The following TMEM117 variants were observed in gnomAD, a reference collection of about 807,000 sequenced individuals.
TMEM117 encodes transmembrane protein 117.
Under a neutral mutation model 52.4 loss-of-function variants are expected in TMEM117, and 27 were observed. That is an observed-to-expected ratio of 0.51 (90% CI 0.38 to 0.71). TMEM117 has a LOEUF of 0.71. Ranked by LOEUF, TMEM117 falls within the 30% of genes least tolerant of loss-of-function variation. TMEM117 has a pLI of 0.00. For synonymous variants in TMEM117, 215 were observed against 206.3 expected, an observed-to-expected ratio of 1.04 and a Z score of -0.36; for missense variants, 556 against 630.5, an observed-to-expected ratio of 0.88 and a Z score of 1.26.
intron 3 of TMEM117, among the ~76,000 whole-genome samples, chr12:43,962,415 C>CTA (rs1467280934): frequency 6.6e-6 from 1 of 152,032 alleles, no homozygotes; most frequent in Non-Finnish European, 1.5e-5. Flanking sequence ...TAGTAAAGTT[C>CTA]TTTAGAATTG....
At chr12:43,801,796 G>A in the TMEM117 span, among the ~76,000 whole-genome samples, 3 of 152,116 alleles carry the variant, frequency 2.0e-5, no homozygotes, top group Non-Finnish European at 4.4e-5. Context: ...TTGGGAGGCC[G>A]AGGTGGGTGG....
At chr12:44,054,430 A>G (rs1436398755) in intron 3 of TMEM117, among the ~76,000 whole-genome samples, 1 of 152,158 alleles carries the variant, frequency 6.6e-6, no homozygotes, top group Non-Finnish European at 1.5e-5. Context: ...TATATGAACA[A>G]TCGGTTTTGA....
At chr12:44,027,082 CTATTTTATTTTATTTTATTT>C (rs66667106) in intron 3 of TMEM117, among the ~76,000 whole-genome samples, 4 of 136,656 alleles carry the variant, frequency 2.9e-5, no homozygotes, top group African/African-American at 8.7e-5. Flanking sequence ...ATTTCTTAGC[CTATTTTATTTTATTTTATTT>C]TATTTTATTT....
intron 6 of TMEM117, among the ~76,000 whole-genome samples, chr12:44,352,109 G>A (rs1035593761): frequency 6.6e-6 from 1 of 151,660 alleles, no homozygotes; most frequent in Non-Finnish European, 1.5e-5. Context: ...TATATGCATG[G>A]TAAGTAAAAG....
At chr12:43,860,699 G>A in intron 2 of TMEM117, among the ~76,000 whole-genome samples, 1 of 152,170 alleles carries the variant, frequency 6.6e-6, no homozygotes, top group East Asian at 1.9e-4. Context: ...AGAGGGAACA[G>A]AAAAGAGAGT....
intron 2 of TMEM117, among the ~76,000 whole-genome samples, chr12:43,859,943 G>A (rs934861355): frequency 2.6e-5 from 4 of 152,176 alleles, no homozygotes; most frequent in African/African-American, 9.7e-5. Flanking sequence ...GTGGTTATTT[G>A]TGACACTAGA....
intron 3 of TMEM117, among the ~76,000 whole-genome samples, chr12:43,963,708 G>A (rs189757553): frequency 3.9e-5 from 6 of 152,338 alleles, no homozygotes; most frequent in Admixed American, 2.0e-4. Context: ...GAAGATGCAA[G>A]TCAAGGTTGG....
At chr12:43,965,829 G>A (rs1311787093) in intron 3 of TMEM117, among the ~76,000 whole-genome samples, 1 of 152,124 alleles carries the variant, frequency 6.6e-6, no homozygotes, top group Non-Finnish European at 1.5e-5. Flanking sequence ...GAGGTTTCGG[G>A]TATGATTGAT....
intron 5 of TMEM117, among the ~76,000 whole-genome samples, chr12:44,255,392 C>T (rs577674421): frequency 6.6e-6 from 1 of 152,240 alleles, no homozygotes; most frequent in East Asian, 1.9e-4. Context: ...TGCTCATCAT[C>T]ACTGGCCATC....
chr12:43,858,768 G>T (rs963760398), intron 2 of TMEM117, among the ~76,000 whole-genome samples: 8 of 152,124 alleles, frequency 5.3e-5, no homozygotes. Flanking sequence ...AGTATCTCAG[G>T]GAAGAGTGTC....
chr12:44,364,504 G>A (rs1951764246), intron 6 of TMEM117, among the ~76,000 whole-genome samples: 1 of 152,006 alleles, frequency 6.6e-6, no homozygotes, highest in African/African-American at 2.4e-5. Flanking sequence ...AGTTTTTAAT[G>A]TAGGTTACAT....
chr12:44,184,056 A>G (rs1009926615), intron 4 of TMEM117, among the ~76,000 whole-genome samples: 3 of 152,170 alleles, frequency 2.0e-5, no homozygotes, highest in African/African-American at 7.2e-5. Context: ...CTTAAAGCAG[A>G]GAAACTGGCC....
In TMEM117 at chr12:44,172,738, T is replaced by C. The variant is rs1443887610; in HGVS notation, c.510+29114T>C. ...TTTTCTGTGCAAAATCTTTCTCTTT[T>C]TTTTGAGACTGAGTTTCGCTGTGTC... On this transcript the variant is annotated intron_variant, in intron 4 of 7. Coordinates refer to ENST00000266534, the MANE Select transcript of TMEM117 (RefSeq NM_032256.3). Among the ~76,000 whole-genome samples, 4 of 152,346 alleles carry C rather than the reference T, an allele frequency of 2.6e-5. No homozygotes were observed. The East Asian group carries it at 5.8e-4, about 22-fold the overall frequency.
intron 2 of TMEM117, among the ~76,000 whole-genome samples, chr12:43,904,795 T>C (rs1459890035): frequency 6.6e-6 from 1 of 152,264 alleles, no homozygotes; most frequent in Non-Finnish European, 1.5e-5. Flanking sequence ...TAGTCCCTTG[T>C]TGTTCCAGTT....
At chr12:43,953,710 T>A (rs1466872254) in intron 3 of TMEM117, among the ~76,000 whole-genome samples, 1 of 152,144 alleles carries the variant, frequency 6.6e-6, no homozygotes, top group Non-Finnish European at 1.5e-5. Context: ...AGTAGAAGAC[T>A]TTAATACCCC....
At chr12:44,152,529 T>TAA in intron 4 of TMEM117, among the ~76,000 whole-genome samples, 3 of 118,972 alleles carry the variant, frequency 2.5e-5, no homozygotes, top group African/African-American at 1.0e-4. Context: ...TATATATATA[T>TAA]TTATATCATA....
In TMEM117 at chr12:43,866,238, GAAGATATCTTTAAAGTACTGTAAGAA is replaced by G. The variant is rs1242090164; in HGVS notation, c.277+21312_277+21337del. Among the ~76,000 whole-genome samples, 21 of 151,460 alleles carry G rather than the reference GAAGATATCTTTAAAGTACTGTAAGAA, an allele frequency of 1.4e-4. 2 individuals are homozygous for G. The highest frequency in any genetic ancestry group is 5.1e-4 in the African/African-American group (21 of 40,892). Reference sequence around the variant, plus strand: ...TTCTTATCACGAACAAGGGAGGCCAGAAGATATCTTTAAAGTACTGTAAGAAATAAAAATTTCAACCTAAAATTCTA... The same window carrying G: ...TTCTTATCACGAACAAGGGAGGCCAGATAAAAATTTCAACCTAAAATTCTA... On this transcript the variant is annotated intron_variant, in intron 2 of 7. Transcript: ENST00000266534.
chr12:44,260,619 T>G (rs1950309525), intron 5 of TMEM117, among the ~76,000 whole-genome samples: 1 of 152,196 alleles, frequency 6.6e-6, no homozygotes, highest in Admixed American at 6.6e-5. Context: ...GTCATAAAAT[T>G]ATTTTAAAGT....
chr12:44,077,920 A>G (rs2657574), intron 3 of TMEM117, among the ~76,000 whole-genome samples: 151,495 of 152,198 alleles, frequency 1, 75,399 homozygotes, highest in East Asian at 1. Context: ...TAGAAATTCC[A>G]ATACCAAAAT....
Sources: allele counts gnomAD v4.1 joint callset (sites outside exome capture counted in the v4.1 genomes callset), GRCh38; gene constraint gnomAD v4.1.1; transcripts MANE v1.5; gene names NCBI Gene and HGNC (gene_info 2026-07-23, HGNC 2026-07-21).